SLIT3: variants seen among roughly 807,000 people sequenced by gnomAD.
SLIT3 encodes the protein slit homolog 3 protein.
A neutral mutation model predicts 184.0 loss-of-function variants in SLIT3; 68 were observed. The observed-to-expected ratio is 0.37, with a 90% CI of 0.30 to 0.45. The LOEUF (loss-of-function observed/expected upper bound fraction) is 0.45, where lower values mean the gene tolerates loss of function less well. SLIT3 is among the 20% of genes least tolerant of loss of function. The pLI, the probability that SLIT3 is intolerant of heterozygous loss-of-function variation, is 1.00. For missense variants in SLIT3, 1,707 were observed against 2,026.0 expected (o/e 0.84, Z 3.02); for synonymous variants, 831 against 828.6 (o/e 1.00, Z -0.05).
chr5:169,145,412 G>A (rs1450706902), intron 4 of SLIT3, among the ~76,000 whole-genome samples: 9 of 152,166 alleles, frequency 5.9e-5, no homozygotes, highest in Admixed American at 5.9e-4. Flanking sequence ...ATGTGCAGAT[G>A]CTAGAGATGC....
intron 20 of SLIT3, among the ~76,000 whole-genome samples, chr5:168,735,661 T>TACACACACACACACAC (rs150528782): frequency 4.2e-5 from 6 of 142,172 alleles, no homozygotes; most frequent in South Asian, 4.9e-4. Flanking sequence ...GACAGATAGA[T>TACACACACACACACAC]ACACACACAC....
intron 4 of SLIT3, among the ~76,000 whole-genome samples, chr5:168,984,749 T>A (rs192290320): frequency 6.6e-6 from 1 of 152,274 alleles, no homozygotes; most frequent in East Asian, 1.9e-4. Context: ...AGGCTGATTA[T>A]CAGTTAAGTG....
chr5:168,881,907 C>T (rs1351771842), intron 5 of SLIT3, among the ~76,000 whole-genome samples: 1 of 152,232 alleles, frequency 6.6e-6, no homozygotes, highest in African/African-American at 2.4e-5. Context: ...CTCTCCTGCT[C>T]TTGGGAAAAC....
At chr5:169,079,381 T>TCAAGTTCATCAGC (rs1189327816) in intron 4 of SLIT3, among the ~76,000 whole-genome samples, 1 of 148,664 alleles carries the variant, frequency 6.7e-6, no homozygotes. Context: ...AGAGAAAATG[T>TCAAGTTCATCAGC]CAAGTTCATC....
At chr5:168,960,248 G>A (rs1762959489) in intron 4 of SLIT3, among the ~76,000 whole-genome samples, 1 of 152,222 alleles carries the variant, frequency 6.6e-6, no homozygotes, top group Non-Finnish European at 1.5e-5. Flanking sequence ...GTGATTCTCT[G>A]GTTAATGTAT....
intron 4 of SLIT3, among the ~76,000 whole-genome samples, chr5:169,104,717 T>C (rs1760139325): frequency 6.6e-6 from 1 of 152,116 alleles, no homozygotes; most frequent in African/African-American, 2.4e-5. Flanking sequence ...CTCACCCCCA[T>C]GTCTGGTCTC....
chr5:168,981,427 A>G (rs1754943683), intron 4 of SLIT3, among the ~76,000 whole-genome samples: 2 of 152,106 alleles, frequency 1.3e-5, no homozygotes, highest in Non-Finnish European at 2.9e-5. Context: ...AGGCAGGAGG[A>G]TCACTCCCTC....
At chr5:168,786,498 G>A (rs1756158402) in intron 11 of SLIT3, among the ~76,000 whole-genome samples, 1 of 152,186 alleles carries the variant, frequency 6.6e-6, no homozygotes, top group Admixed American at 6.5e-5. Flanking sequence ...GGACTGCTGA[G>A]TCAAGGACTG....
intron 3 of SLIT3, among the ~76,000 whole-genome samples, chr5:169,240,574 A>AT (rs1765365185): frequency 1.3e-5 from 1 of 78,114 alleles, no homozygotes; most frequent in Admixed American, 1.5e-4. Context: ...TCATGCTATC[A>AT]TTTTCTTTTT....
In SLIT3 at chr5:168,925,722, C is replaced by T. The variant is rs143827368; in HGVS notation, c.414-42386G>A. 5.5e-4 allele frequency among the ~76,000 whole-genome samples: 84 copies of T among 151,484 alleles called. No homozygotes were observed. The Middle Eastern group carries it at 0.014, about 25-fold the overall frequency. ...TTCCTTGACTTTACAGAAATGGAAGCTGAGCTCCTGAGGGTGAGGTGCTCT... is the reference window on the plus strand; with the variant it reads ...TTCCTTGACTTTACAGAAATGGAAGTTGAGCTCCTGAGGGTGAGGTGCTCT... On this transcript the variant is annotated intron_variant, in intron 4 of 35. Coordinates refer to ENST00000519560, the MANE Select transcript of SLIT3 (RefSeq NM_003062.4).
At chr5:168,936,367 TGGGATTACATGCGCACACC>T (rs1280613415) in intron 4 of SLIT3, among the ~76,000 whole-genome samples, 3 of 152,190 alleles carry the variant, frequency 2.0e-5, no homozygotes, top group Admixed American at 2.0e-4. Flanking sequence ...CCTAAGTAGC[TGGGATTACATGCGCACACC>T]ACCAAGCACA....
rs112003267 is a variant in SLIT3, at chr5:169,288,523, C to A, written c.197+11990G>T. ...TTCTCCCAACCCATAAATCTCCCTG[C>A]TCTGAACCTAGCATGGTAGCCTTTG... On this transcript the variant is annotated intron_variant, in intron 1 of 35. Coordinates refer to ENST00000519560, the MANE Select transcript of SLIT3 (RefSeq NM_003062.4). Among the ~76,000 whole-genome samples the A allele has an allele frequency of 7.5e-3, 1,141 of 152,192 alleles. 17 individuals are homozygous for A. Among genetic ancestry groups the A allele is most frequent in the African/African-American group, 0.026 (1,096 of 41,542 alleles).
At chr5:169,298,239 A>G (rs1415914472) in intron 1 of SLIT3, among the ~76,000 whole-genome samples, 2 of 152,160 alleles carry the variant, frequency 1.3e-5, no homozygotes, top group Non-Finnish European at 2.9e-5. Context: ...AGAAGAGACC[A>G]GAGACATCAA....
intron 4 of SLIT3, among the ~76,000 whole-genome samples, chr5:168,954,050 A>C (rs1001925806): frequency 6.6e-6 from 1 of 152,094 alleles, no homozygotes; most frequent in African/African-American, 2.4e-5. Flanking sequence ...GGGGGGAAAC[A>C]AGTGTCACTC....
chr5:168,746,758 CGGTGTGTGGT>C (rs1258481475), intron 20 of SLIT3, among the ~76,000 whole-genome samples: 4 of 12,120 alleles, frequency 3.3e-4, no homozygotes, highest in Non-Finnish European at 4.5e-4. Flanking sequence ...GTGGGTGTGG[CGGTGTGTGGT>C]GGTGTGTGGT....
At chr5:169,046,398 T>A (rs886452395) in intron 4 of SLIT3, among the ~76,000 whole-genome samples, 24 of 152,174 alleles carry the variant, frequency 1.6e-4, no homozygotes, top group African/African-American at 5.3e-4. Context: ...CTGCAGAACA[T>A]ATAGATTCCC....
At chr5:169,048,946 C>A (rs1278509687) in intron 4 of SLIT3, among the ~76,000 whole-genome samples, 1 of 152,030 alleles carries the variant, frequency 6.6e-6, no homozygotes, top group Non-Finnish European at 1.5e-5. Flanking sequence ...TGGGAGAGGC[C>A]CTTAGAAGTT....
chr5:168,907,975 T>TAGAGAGAGAGAGAGAGAGAG (rs1421951059), intron 4 of SLIT3, among the ~76,000 whole-genome samples: 2 of 64,650 alleles, frequency 3.1e-5, no homozygotes, highest in African/African-American at 1.6e-4. Flanking sequence ...TATATATATA[T>TAGAGAGAGAGAGAGAGAGAG]ATATAGAGAG....
At chr5:169,127,174 G>T (rs1413745228) in intron 4 of SLIT3, among the ~76,000 whole-genome samples, 2 of 152,162 alleles carry the variant, frequency 1.3e-5, no homozygotes, top group African/African-American at 4.8e-5. Flanking sequence ...TGTTTTATAT[G>T]AGGCTAAGAG....
Sources: allele counts gnomAD v4.1 joint callset (sites outside exome capture counted in the v4.1 genomes callset), GRCh38; gene constraint gnomAD v4.1.1; transcripts MANE v1.5; gene names NCBI Gene and HGNC (gene_info 2026-07-23, HGNC 2026-07-21).